CTBP2: variants seen among roughly 807,000 people sequenced by gnomAD.
CTBP2 encodes C-terminal binding protein 2, also known as C-terminal-binding protein 2.
CTBP2 carries 30 observed loss-of-function variants against 80.3 expected under a neutral mutation model. That is an observed-to-expected ratio of 0.37 (90% CI 0.28 to 0.51). CTBP2 has a LOEUF of 0.51. Ranked by LOEUF, CTBP2 falls within the 20% of genes least tolerant of loss-of-function variation. The pLI is 0.93. For missense variants in CTBP2, 1,212 were observed against 1,375.3 expected (o/e 0.88, Z 1.88); for synonymous variants, 594 against 587.4 (o/e 1.01, Z -0.16).
In CTBP2 at chr10:125,026,640, G is replaced by T; in HGVS notation, c.1120C>A (p.His374Asn). 6.3e-7 allele frequency: 1 copy of T among 1,583,194 alleles called. No homozygotes were observed. Among genetic ancestry groups the T allele is most frequent in the Non-Finnish European group, 8.6e-7 (1 of 1,165,382 alleles). Residue 374 changes from histidine to asparagine, a missense_variant, in exon 1 of 9, where the codon CAC becomes AAC. Coordinates refer to ENST00000309035, the MANE Select transcript of CTBP2 (RefSeq NM_022802.3). ...TCACCATGGAGCAGTTCGCTTCGGT[G>T]GCTGAAGCTGCTGGACCGCGCCCGG...
intron 1 of CTBP2, among the ~76,000 whole-genome samples, chr10:125,017,905 C>T (rs766421747): frequency 6.6e-5 from 10 of 152,168 alleles, no homozygotes; most frequent in Non-Finnish European, 1.2e-4. Context: ...CCAGTGTTAC[C>T]CATGGGAAGC....
In CTBP2 at chr10:125,027,459, C is replaced by G. The variant is rs768496772; in HGVS notation, c.301G>C (p.Gly101Arg). The change falls in exon 1 of 9, where the codon GGT (glycine) becomes CGT (arginine). Residue 101 changes from glycine (G) to arginine (R), a missense_variant. By Grantham distance (125) the Gly-to-Arg change is moderately radical. Transcript: ENST00000309035. ...TCCCGTGGCAGCAGGGGGCTGCGAC[C>G]AGACATCACTGCCTGTCTGCTGTCG... The G allele has an allele frequency of 6.2e-7, 1 of 1,614,184 alleles. No individual in the cohort carries two copies. The highest frequency in any genetic ancestry group is 1.1e-5 in the South Asian group (1 of 91,080).
chr10:125,055,384 G>A (rs1209982393), intron 2 of CTBP2, among the ~76,000 whole-genome samples: 1 of 152,196 alleles, frequency 6.6e-6, no homozygotes, highest in Non-Finnish European at 1.5e-5. Context: ...ATGCCCTCAT[G>A]TGCCCAGATG....
In CTBP2 at chr10:125,026,198, G is replaced by A; in HGVS notation, c.1562C>T (p.Pro521Leu). 6.2e-7 allele frequency: 1 copy of A among 1,612,586 alleles called. No homozygotes were observed. The highest frequency in any genetic ancestry group is 8.5e-7 in the Non-Finnish European group (1 of 1,179,134). The change falls in exon 1 of 9, where the codon CCA becomes CTA. Residue 521 changes from proline (P) to leucine (L), a missense_variant. Transcript: ENST00000309035. The stretch of plus-strand genomic sequence containing the variant: ...CTGGCTGGCCGGCGGCAGGGTGGAT[G>A]GCCCCAGGGGTGCACCTGGCTTCCG...
chr10:125,116,370 C>T (rs1368601036), intron 1 of CTBP2, among the ~76,000 whole-genome samples: 1 of 152,148 alleles, frequency 6.6e-6, no homozygotes, highest in South Asian at 2.1e-4. Flanking sequence ...TCCCTCGGCA[C>T]CCATGCTGAC....
Position 125,112,430 on chromosome 10 carries a change from G to GTT in CTBP2, c.-205-1339_-205-1338dup, listed in dbSNP as rs59714965. Among the ~76,000 whole-genome samples the GTT allele has an allele frequency of 9.4e-4, 87 of 92,344 alleles. 1 individual carries two copies. The highest frequency in any genetic ancestry group is 1.9e-3 in the Admixed American group (16 of 8,634). 60.6% of individuals were successfully genotyped at this position (92,344 alleles called of 152,430 possible). ...GCCCAGCCATCATTCTACCTTTTTC[G>GTT]TTTTTTTTTTTTTTTTGAGACGTAG... On this transcript the variant is annotated intron_variant, in intron 1 of 10. Transcript: ENST00000337195.
chr10:124,990,082 C>T (rs1296443996), intron 8 of CTBP2, among the ~76,000 whole-genome samples: 1 of 149,852 alleles, frequency 6.7e-6, no homozygotes, highest in African/African-American at 2.5e-5. Flanking sequence ...CACTCTGTCG[C>T]CAGTCTGGAG....
Position 125,027,925 on chromosome 10 carries a change from C to T in CTBP2, c.-166G>A. 7.0e-7 allele frequency: 1 copy of T among 1,422,736 alleles called. No individual in the cohort carries two copies. Among genetic ancestry groups the T allele is most frequent in the South Asian group, 1.6e-5 (1 of 64,302 alleles). The allele number at this position is 1,422,736 out of a possible 1,614,324, so 88.1% of individuals were successfully genotyped here. A position where few individuals can be genotyped will look rare whatever the true frequency, so the allele number is the denominator to read the frequency against. On this transcript the variant is annotated 5_prime_UTR_variant, in exon 1 of 9. Coordinates refer to ENST00000309035, the MANE Select transcript of CTBP2 (RefSeq NM_022802.3). ...AAGCATGGCCTGAATTATTAATCCT[C>T]CGAAACCTTAGCAGACAAAACATAA...
At chr10:125,069,575 G>C (rs569974939) in intron 2 of CTBP2, among the ~76,000 whole-genome samples, 1 of 152,220 alleles carries the variant, frequency 6.6e-6, no homozygotes, top group Non-Finnish European at 1.5e-5. Flanking sequence ...GCCTGAGATC[G>C]TGCCATTGCA....
At chr10:125,002,922 C>T (rs369168989) in intron 3 of CTBP2, 38 bp downstream of exon 5, 58 of 1,607,592 alleles carry the variant, frequency 3.6e-5, no homozygotes, top group Admixed American at 6.7e-5. Flanking sequence ...CACAGAGCTC[C>T]GGACAACTCC....
At chr10:125,048,034 G>A (rs1362841530) in intron 2 of CTBP2, among the ~76,000 whole-genome samples, 2 of 152,086 alleles carry the variant, frequency 1.3e-5, no homozygotes, top group African/African-American at 4.8e-5. Flanking sequence ...CTGTCCTTAG[G>A]GGAACCCAAC....
At chr10:125,135,064 G>GC (rs1391442956) in intron 1 of CTBP2, among the ~76,000 whole-genome samples, 1 of 152,096 alleles carries the variant, frequency 6.6e-6, no homozygotes, top group African/African-American at 2.4e-5. Context: ...GCCTTGGTGC[G>GC]CCCCCACTCG....
At chr10:125,034,383 C>A (rs1958616335) in intron 3 of CTBP2, among the ~76,000 whole-genome samples, 1 of 152,184 alleles carries the variant, frequency 6.6e-6, no homozygotes. Context: ...TTGGCTGTTT[C>A]CTGAACCTTT....
At chr10:125,097,632 G>A (rs1487872289) in intron 2 of CTBP2, among the ~76,000 whole-genome samples, 6 of 152,110 alleles carry the variant, frequency 3.9e-5, no homozygotes, top group Admixed American at 3.3e-4. Flanking sequence ...TTGTACACGT[G>A]TGCATATCAG....
chr10:125,045,591 C>T (rs1040174154), intron 2 of CTBP2, among the ~76,000 whole-genome samples: 10 of 152,034 alleles, frequency 6.6e-5, no homozygotes, highest in African/African-American at 2.4e-4. Flanking sequence ...CTCCACTTCT[C>T]GAGTTCAAGT....
In CTBP2 at chr10:124,984,990, T is replaced by TA; in HGVS notation, c.*4527_*4528insT. ...GGAAGATGAGGATGATGAAGATGAA[T>TA]GAAAAAAAAAATCAAACAGCAGAAG... On this transcript the variant is annotated 3_prime_UTR_variant, in exon 9 of 9. Coordinates refer to ENST00000309035, the MANE Select transcript of CTBP2 (RefSeq NM_022802.3). 6.3e-7 allele frequency: 1 copy of TA among 1,582,572 alleles called. No homozygotes were observed. The highest frequency in any genetic ancestry group is 1.8e-5 in the Admixed American group (1 of 54,420).
At chr10:125,138,666 TA>T (rs77530093) in intron 1 of CTBP2, among the ~76,000 whole-genome samples, 19,372 of 124,530 alleles carry the variant, frequency 0.16, 1,595 homozygotes, top group African/African-American at 0.27. Context: ...GCCAAATGGT[TA>T]AAAAAAAAAA....
chr10:125,065,364 T>C (rs1426812957), intron 2 of CTBP2, among the ~76,000 whole-genome samples: 4 of 152,208 alleles, frequency 2.6e-5, no homozygotes, highest in African/African-American at 9.6e-5. Context: ...GTGCACTTTT[T>C]AAAAAATTGA....
At chr10:124,991,763 A>G (rs1478953347) in intron 8 of CTBP2, among the ~76,000 whole-genome samples, 1 of 152,120 alleles carries the variant, frequency 6.6e-6, no homozygotes, top group Non-Finnish European at 1.5e-5. Context: ...TCTGGCCCCA[A>G]ATATACTTAT....
Sources: allele counts gnomAD v4.1 joint callset (sites outside exome capture counted in the v4.1 genomes callset), GRCh38; gene constraint gnomAD v4.1.1; transcripts MANE v1.5; gene names NCBI Gene and HGNC (gene_info 2026-07-23, HGNC 2026-07-21).